NCOR2: variants seen among roughly 807,000 people sequenced by gnomAD.
The protein encoded by NCOR2 is nuclear receptor corepressor 2.
In NCOR2, 81 loss-of-function variants were observed where a neutral mutation model predicts 262.9. That is an observed-to-expected ratio of 0.31 (90% CI 0.26 to 0.37). The LOEUF (loss-of-function observed/expected upper bound fraction) is 0.37. Among genes scored for constraint, NCOR2 ranks in the 10% least tolerant of loss-of-function variants. The pLI is 1.00. For missense variants in NCOR2, 3,385 were observed against 3,621.4 expected, an observed-to-expected ratio of 0.93 and a Z score of 1.68; for synonymous variants, 1,659 against 1,559.3, an observed-to-expected ratio of 1.06 and a Z score of -1.51.
chr12:124,381,683 A>G (rs1400678449), intron 17 of NCOR2, among the ~76,000 whole-genome samples: 1 of 152,222 alleles, frequency 6.6e-6, no homozygotes, highest in African/African-American at 2.4e-5. Flanking sequence ...AGCTTCAAAC[A>G]TTTCGTGGCT....
chr12:124,418,560 CA>C (rs1195220812), intron 13 of NCOR2, among the ~76,000 whole-genome samples: 1 of 152,230 alleles, frequency 6.6e-6, no homozygotes, highest in Non-Finnish European at 1.5e-5. Flanking sequence ...TCTCCAGGCA[CA>C]GTCCAACCAG....
intron 32 of NCOR2, 93 bp from the exon 35 acceptor site, chr12:124,343,319 G>A: frequency 1.0e-6 from 1 of 1,003,388 alleles, no homozygotes; most frequent in Non-Finnish European, 1.4e-6. Flanking sequence ...CCAAGGACCA[G>A]GTCTCTTCAT....
chr12:124,377,587 C>G (rs996521786), intron 18 of NCOR2, among the ~76,000 whole-genome samples: 3 of 152,108 alleles, frequency 2.0e-5, no homozygotes, highest in African/African-American at 7.2e-5. Context: ...ACCTGTAATT[C>G]CAGCACTTTG....
At chr12:124,535,374 C>T (rs1260822138) in intron 1 of NCOR2, among the ~76,000 whole-genome samples, 191 bp downstream of exon 2, 1 of 152,240 alleles carries the variant, frequency 6.6e-6, no homozygotes, top group East Asian at 1.9e-4. Context: ...CTGGGGGACC[C>T]CGCAAACTGC....
chr12:124,532,211 G>A (rs2050834173), intron 1 of NCOR2, among the ~76,000 whole-genome samples: 1 of 151,378 alleles, frequency 6.6e-6, no homozygotes, highest in African/African-American at 2.4e-5. Flanking sequence ...GTCCCCCCTT[G>A]TCTCCCCCAT....
intron 13 of NCOR2, among the ~76,000 whole-genome samples, chr12:124,416,552 ACCCGCGGCACAGATAGAC>A (rs1464257397): frequency 5.7e-5 from 8 of 140,786 alleles, no homozygotes; most frequent in Non-Finnish European, 3.1e-5. Context: ...GCACAGGGAG[ACCCGCGGCACAGATAGAC>A]CCCGCGGCAC....
chr12:124,340,672 G>T, exon 35 of NCOR2: 2 of 1,515,988 alleles, frequency 1.3e-6, no homozygotes, highest in African/African-American at 1.4e-5. Flanking sequence ...AGGCAAGGCG[G>T]TCCATGGCGG....
At chr12:124,333,893 TGTGC>T (rs1243191694) in intron 41 of NCOR2, among the ~76,000 whole-genome samples, 36 of 132,378 alleles carry the variant, frequency 2.7e-4, no homozygotes, top group South Asian at 5.0e-4. Context: ...TGCATGTGTG[TGTGC>T]GCGCGCATGT....
At chr12:124,403,588 A>C (rs1292982012) in intron 13 of NCOR2, among the ~76,000 whole-genome samples, 2 of 152,218 alleles carry the variant, frequency 1.3e-5, no homozygotes, top group African/African-American at 4.8e-5. Flanking sequence ...CCTCTGAGCC[A>C]AGCGAAATAA....
upstream of NCOR2, among the ~76,000 whole-genome samples, chr12:124,499,061 A>C (rs1012455167): frequency 2.0e-5 from 3 of 152,232 alleles, no homozygotes; most frequent in Admixed American, 2.0e-4. Flanking sequence ...TTGATAGAGG[A>C]GGCGGGTGTG....
intron 1 of NCOR2, among the ~76,000 whole-genome samples, chr12:124,564,417 CA>C (rs2052166882): frequency 6.6e-6 from 1 of 152,192 alleles, no homozygotes. Context: ...TCCCCAGTCT[CA>C]AAAGTGTCAC....
intron 1 of NCOR2, among the ~76,000 whole-genome samples, chr12:124,558,740 C>T (rs905471051): frequency 6.6e-6 from 1 of 152,114 alleles, no homozygotes; most frequent in African/African-American, 2.4e-5. Context: ...CGTGGGCCCA[C>T]GAGTCACAGT....
chr12:124,390,156 C>T (rs576672928), intron 16 of NCOR2, among the ~76,000 whole-genome samples: 5 of 152,336 alleles, frequency 3.3e-5, no homozygotes, highest in East Asian at 1.9e-4. Flanking sequence ...CTGCCCTCTG[C>T]CCTCTGCAGG....
exon 38 of NCOR2, chr12:124,336,833 G>C (rs1162999237): frequency 6.2e-7 from 1 of 1,612,912 alleles, no homozygotes; most frequent in Non-Finnish European, 8.5e-7. Flanking sequence ...GGCCGAGGCA[G>C]GTGGCGCCGG....
At chr12:124,437,527 G>A (rs2044418313) in intron 8 of NCOR2, among the ~76,000 whole-genome samples, 1 of 152,214 alleles carries the variant, frequency 6.6e-6, no homozygotes, top group African/African-American at 2.4e-5. Flanking sequence ...CACCAGGAAA[G>A]GCTCATTTGT....
intron 1 of NCOR2, among the ~76,000 whole-genome samples, chr12:124,558,262 A>AC (rs1378147986): frequency 1.2e-3 from 126 of 101,014 alleles, no homozygotes; most frequent in South Asian, 2.2e-3. Flanking sequence ...CAACTCTCCC[A>AC]CCCACCCCCC....
intron 37 of NCOR2, among the ~76,000 whole-genome samples, chr12:124,339,468 C>T (rs181958046): frequency 3.5e-5 from 5 of 143,984 alleles, no homozygotes; most frequent in Non-Finnish European, 4.6e-5. Context: ...ACCTACCTAA[C>T]GTGACCACCC....
At chr12:124,333,785 G>C (rs369842999) in intron 41 of NCOR2, among the ~76,000 whole-genome samples, 1 of 152,170 alleles carries the variant, frequency 6.6e-6, no homozygotes, top group African/African-American at 2.4e-5. Flanking sequence ...GGTGGGAGTG[G>C]GAGTGTGCGT....
chr12:124,377,698 G>A (rs1349458154), intron 18 of NCOR2, among the ~76,000 whole-genome samples: 10 of 151,996 alleles, frequency 6.6e-5, no homozygotes, highest in Non-Finnish European at 1.3e-4. Flanking sequence ...AATTAGCCGG[G>A]TGTGGCGGCG....
Sources: allele counts gnomAD v4.1 joint callset (sites outside exome capture counted in the v4.1 genomes callset), GRCh38; gene constraint gnomAD v4.1.1; transcripts MANE v1.5; gene names NCBI Gene and HGNC (gene_info 2026-07-23, HGNC 2026-07-21).